CUX1: variants seen among roughly 807,000 people sequenced by gnomAD.
The protein encoded by CUX1 is protein CASP.
Under a neutral mutation model 158.8 loss-of-function variants are expected in CUX1, and 31 were observed. The observed-to-expected ratio is 0.20, with a 90% CI of 0.15 to 0.26. CUX1 has a LOEUF of 0.26. CUX1 is among the 10% of genes least tolerant of loss of function. The pLI, the probability that CUX1 is intolerant of heterozygous loss-of-function variation, is 1.00. For missense variants in CUX1, 1,589 were observed against 2,014.6 expected (o/e 0.79, Z 4.04); for synonymous variants, 879 against 862.1 (o/e 1.02, Z -0.34).
In CUX1 at chr7:102,197,115, T is replaced by C. The variant is rs369038995; in HGVS notation, c.1704T>C (p.Asn568=). The part of the protein sequence containing the change: ...RQVKEQLIKH[N]IGQRIFGHYV... ...TCAAAGAGCAGCTGATTAAGCACAA[T>C]ATCGGACAACGTATTTTCGGACATT... is the stretch of plus-strand genomic sequence containing the variant. The change falls in exon 15 of 24, where the codon AAT becomes AAC. Residue 568 remains asparagine (N), a synonymous_variant. Coordinates refer to ENST00000292535, the MANE Select transcript of CUX1 (RefSeq NM_181552.4). The C allele has an allele frequency of 1.2e-6, 2 of 1,614,048 alleles. No homozygotes were observed. The highest frequency in any genetic ancestry group is 2.7e-5 in the African/African-American group (2 of 74,922).
chr7:101,996,282 C>T (rs1428631374), intron 2 of CUX1, among the ~76,000 whole-genome samples: 1 of 152,128 alleles, frequency 6.6e-6, no homozygotes, highest in African/African-American at 2.4e-5. Flanking sequence ...ATCCTCTGCT[C>T]TAGGTGTGTA....
At chr7:101,873,771 G>C (rs1798838704) in intron 1 of CUX1, among the ~76,000 whole-genome samples, 1 of 152,112 alleles carries the variant, frequency 6.6e-6, no homozygotes. Context: ...TTTTAGTAGA[G>C]ACAGGGTTTT....
At chr7:102,084,454 C>T (rs1827756963) in intron 4 of CUX1, among the ~76,000 whole-genome samples, 1 of 121,448 alleles carries the variant, frequency 8.2e-6, no homozygotes, top group African/African-American at 2.7e-5. Context: ...GACAGAGTCT[C>T]GCTCTGTCAC....
intron 4 of CUX1, among the ~76,000 whole-genome samples, chr7:102,071,544 A>G (rs1826134547): frequency 6.6e-6 from 1 of 152,014 alleles, no homozygotes; most frequent in Non-Finnish European, 1.5e-5. Flanking sequence ...TGGAATTACC[A>G]CCACCCTCCC....
chr7:102,136,430 C>T (rs1223003165), intron 8 of CUX1, among the ~76,000 whole-genome samples: 3 of 151,688 alleles, frequency 2.0e-5, no homozygotes, highest in Non-Finnish European at 4.4e-5. Flanking sequence ...CTTGCTCTCT[C>T]ACCCATGCTG....
Position 102,104,372 on chromosome 7 carries a change from A to C in CUX1, c.443A>C (p.Glu148Ala), listed in dbSNP as rs781933967. 4.3e-6 allele frequency: 7 copies of C among 1,611,316 alleles called. No individual in the cohort carries two copies. The Admixed American group carries it at 1.2e-4, about 27-fold the overall frequency. ...TIKALKEKIR[E>A]YEQTLKNQAE... is the part of the protein sequence containing the mutation. ...AAAGCACTTAAAGAGAAAATCCGAG[A>C]ATATGAACAGACACTGAAGAACCAA... The change falls in exon 6 of 24, where the codon GAA (glutamate) becomes GCA (alanine). Residue 148 changes from glutamate (E) to alanine (A), a missense_variant. This residue lies in a region of CUX1 where 515 missense variants were observed against 574.4 expected (regional missense o/e 0.90). Coordinates refer to ENST00000292535, the MANE Select transcript of CUX1 (RefSeq NM_181552.4).
At chr7:102,104,266 G>A (rs1305609016) in intron 5 of CUX1, 70 bp from the exon 6 acceptor site, 4 of 1,464,896 alleles carry the variant, frequency 2.7e-6, no homozygotes, top group Non-Finnish European at 3.7e-6. Context: ...GGTTATGAGA[G>A]CCTTGTACCT....
chr7:102,001,337 C>CTGTT (rs113182553), intron 2 of CUX1, among the ~76,000 whole-genome samples: 5,972 of 151,836 alleles, frequency 0.039, 412 homozygotes, highest in African/African-American at 0.14. Context: ...TGAAAAGCTC[C>CTGTT]TGTTTGTTTG....
At chr7:101,992,338 A>G (rs2060038918) in intron 2 of CUX1, among the ~76,000 whole-genome samples, 1 of 152,192 alleles carries the variant, frequency 6.6e-6, no homozygotes, top group Non-Finnish European at 1.5e-5. Context: ...TTATTTGAAA[A>G]TGGCCTTCTG....
chr7:102,228,793 G>T (rs782210905), intron 21 of CUX1, among the ~76,000 whole-genome samples: 1 of 152,154 alleles, frequency 6.6e-6, no homozygotes, highest in Non-Finnish European at 1.5e-5. Flanking sequence ...GTGAGATTCT[G>T]TCTCAAAAAA....
Position 102,201,025 on chromosome 7 carries a change from T to TAA in CUX1, c.2063-307_2063-306dup, listed in dbSNP as rs78359248. Among the ~76,000 whole-genome samples, 7,563 of 42,054 alleles carry TAA rather than the reference T, an allele frequency of 0.18. 1,159 individuals carry two copies. The highest frequency in any genetic ancestry group is 0.24 in the Non-Finnish European group (5,796 of 24,402). 27.6% of individuals were successfully genotyped at this position (42,054 alleles called of 152,430 possible). A position where few individuals can be genotyped will look rare whatever the true frequency, so the allele number is the denominator to read the frequency against. On this transcript the variant is annotated intron_variant, in intron 17 of 23. Coordinates refer to ENST00000292535, the MANE Select transcript of CUX1 (RefSeq NM_181552.4). The surrounding 1 kb of genome is among the most constrained non-coding windows in gnomAD (Gnocchi z 5.0). ...CTGGACAACAGCGAGATCCTGTCGC[T>TAA]AAAAAAAAAAAAAAAAAAAAAAAAA... is the stretch of plus-strand genomic sequence containing the variant.
At chr7:102,054,132 T>A (rs1322814649) in intron 3 of CUX1, among the ~76,000 whole-genome samples, 1 of 152,166 alleles carries the variant, frequency 6.6e-6, no homozygotes, top group East Asian at 1.9e-4. Context: ...CTTGGTAGCG[T>A]CTTTAGAAGC....
Position 101,817,735 on chromosome 7 carries a change from G to A in CUX1, c.30+66G>A. 2.0e-6 allele frequency: 3 copies of A among 1,535,706 alleles called. No individual in the cohort carries two copies. Among genetic ancestry groups the A allele is most frequent in the Non-Finnish European group, 2.6e-6 (3 of 1,139,544 alleles). ...CGGAGGGAACCGGGGATGTCGGGGG[G>A]TGCCCGGGTCCCGCGGCTTAGAATG... On this transcript the variant is annotated intron_variant, in intron 1 of 23. Transcript: ENST00000292535. This position sits in a 1 kb window ranked among gnomAD's most constrained non-coding sequence, Gnocchi z 4.1.
At chr7:102,053,143 G>A (rs1823728259) in intron 3 of CUX1, among the ~76,000 whole-genome samples, 2 of 152,118 alleles carry the variant, frequency 1.3e-5, no homozygotes, top group Admixed American at 1.3e-4. Context: ...AGTCATCCCA[G>A]TGGATGTTGT....
At chr7:102,020,819 G>T (rs1015382933) in intron 2 of CUX1, among the ~76,000 whole-genome samples, 1 of 151,840 alleles carries the variant, frequency 6.6e-6, no homozygotes, top group Admixed American at 6.6e-5. Context: ...GGCAGAGGTT[G>T]CAGTGAGCTG....
At chr7:102,095,918 G>T (rs1443934484) in intron 4 of CUX1, among the ~76,000 whole-genome samples, 3 of 152,250 alleles carry the variant, frequency 2.0e-5, no homozygotes, top group Non-Finnish European at 2.9e-5. Flanking sequence ...CTCTTAGGCA[G>T]CAGAAAGAAA....
chr7:102,025,226 C>G (rs960282278), intron 2 of CUX1, among the ~76,000 whole-genome samples: 1 of 152,170 alleles, frequency 6.6e-6, no homozygotes, highest in African/African-American at 2.4e-5. Flanking sequence ...TGCAAAAGCC[C>G]CTTTTACCAT....
chr7:102,188,775 A>G (rs553189329), intron 11 of CUX1: 2 of 150,038 alleles, frequency 1.3e-5, no homozygotes, highest in South Asian at 2.1e-4. Context: ...AGATCACGCT[A>G]CTGCACTCCA....
At chr7:102,195,765 C>T (rs1375462679) in intron 14 of CUX1, among the ~76,000 whole-genome samples, 162 bp downstream of exon 14, 1 of 152,218 alleles carries the variant, frequency 6.6e-6, no homozygotes, top group East Asian at 1.9e-4. Context: ...TCCTCCTCAC[C>T]GCTCCTCCCT....
Sources: gnomAD v4.1 joint callset for allele counts (sites outside exome capture counted in the v4.1 genomes callset) on GRCh38, gnomAD v4.1.1 for gene constraint, gnomAD v4.1.1 regional missense constraint, Gnocchi (gnomAD v3.1) non-coding constraint, MANE v1.5 for transcripts, NCBI Gene and HGNC (gene_info 2026-07-23, HGNC 2026-07-21) for gene names.